Variants in LIN7A observed in about 807,000 individuals in gnomAD.
LIN7A encodes the protein protein lin-7 homolog A.
Under a neutral mutation model 29.8 loss-of-function variants are expected in LIN7A, and 25 were observed. The observed-to-expected ratio is 0.84, with a 90% CI of 0.61 to 1.17. The LOEUF is 1.17. LIN7A is among the 50% of genes most tolerant of loss of function. LIN7A has a pLI of 0.00. For missense variants in LIN7A, 239 were observed against 287.0 expected, an observed-to-expected ratio of 0.83 and a Z score of 1.21; for synonymous variants, 118 against 107.5, an observed-to-expected ratio of 1.10 and a Z score of -0.60.
At chr12:80,934,402 A>C (rs1878092305) in intron 1 of LIN7A, among the ~76,000 whole-genome samples, 1 of 152,200 alleles carries the variant, frequency 6.6e-6, no homozygotes, top group African/African-American at 2.4e-5. Flanking sequence ...TGGCAGATCA[A>C]AAAGAGTTTT....
chr12:80,918,818 T>C (rs1365412296), intron 1 of LIN7A, among the ~76,000 whole-genome samples: 1 of 151,306 alleles, frequency 6.6e-6, no homozygotes, highest in Admixed American at 6.6e-5. Flanking sequence ...AATACAGTCA[T>C]GGACTACATA....
intron 5 of LIN7A, among the ~76,000 whole-genome samples, chr12:80,810,316 A>T (rs910893404): frequency 2.6e-5 from 4 of 151,798 alleles, no homozygotes; most frequent in Non-Finnish European, 4.4e-5. Flanking sequence ...ACTTAGCATG[A>T]TGTTCTCTAG....
chr12:80,932,479 G>A (rs1007387541), intron 1 of LIN7A, among the ~76,000 whole-genome samples: 5 of 152,146 alleles, frequency 3.3e-5, no homozygotes, highest in Non-Finnish European at 7.4e-5. Context: ...TTAACTCACG[G>A]AAAAGTTAGA....
At chr12:80,818,220 C>T (rs1055120591) in intron 4 of LIN7A, among the ~76,000 whole-genome samples, 1 of 151,890 alleles carries the variant, frequency 6.6e-6, no homozygotes, top group African/African-American at 2.4e-5. Context: ...GTGCAGTGGC[C>T]GGATCTTGGC....
At chr12:80,868,698 A>C (rs991181290) in intron 2 of LIN7A, among the ~76,000 whole-genome samples, 6 of 152,228 alleles carry the variant, frequency 3.9e-5, no homozygotes, top group African/African-American at 1.4e-4. Flanking sequence ...GTTTTCAGGA[A>C]GTAATTAATT....
intron 2 of LIN7A, among the ~76,000 whole-genome samples, chr12:80,868,145 C>A (rs1371330312): frequency 5.9e-5 from 9 of 152,188 alleles, no homozygotes; most frequent in Non-Finnish European, 1.2e-4. Context: ...TAAGTTGCCT[C>A]CCGCAAGAGT....
intron 1 of LIN7A, among the ~76,000 whole-genome samples, chr12:80,897,844 C>T (rs1200855317): frequency 1.3e-5 from 2 of 152,036 alleles, no homozygotes; most frequent in African/African-American, 4.8e-5. Flanking sequence ...TAATTGATTG[C>T]ATTAAGTCAA....
intron 1 of LIN7A, among the ~76,000 whole-genome samples, chr12:80,927,155 CTTTTTTT>C (rs929026269): frequency 2.5e-4 from 19 of 75,540 alleles, no homozygotes; most frequent in East Asian, 4.7e-4. Context: ...TTTTCTTTTT[CTTTTTTT>C]TTTTTTTTTT....
chr12:80,859,390 T>C (rs1257393731), intron 2 of LIN7A, among the ~76,000 whole-genome samples: 1 of 152,184 alleles, frequency 6.6e-6, no homozygotes, highest in Non-Finnish European at 1.5e-5. Context: ...TTGTGATCTC[T>C]AGGAGGAGAT....
rs369120651 is a variant in LIN7A at position 80,845,745 on chromosome 12, T to G, written c.468A>C (p.Leu156=). 1.9e-6 allele frequency: 3 copies of G among 1,613,330 alleles called. No homozygotes were observed. In the African/African-American group the frequency reaches 4.0e-5, roughly 22 times the overall value. The change falls in exon 4 of 6, where the codon CTA becomes CTC. Residue 156 remains leucine, a synonymous_variant. Transcript: ENST00000552864. ...HGGLKRGDQL[L]SVNGVSVEGE... ...ATAAACATACCACTCCGTTCACTGA[T>G]AGCAGCTGGTCTCCTCTTTTGAGGC...
chr12:80,820,813 C>T (rs1381038479), intron 4 of LIN7A, among the ~76,000 whole-genome samples: 1 of 152,212 alleles, frequency 6.6e-6, no homozygotes, highest in Non-Finnish European at 1.5e-5. Context: ...AGAACACTTA[C>T]CAACTGTGAT....
intron 2 of LIN7A, among the ~76,000 whole-genome samples, chr12:80,862,604 A>G (rs1663627389): frequency 6.6e-6 from 1 of 152,188 alleles, no homozygotes; most frequent in Admixed American, 6.5e-5. Context: ...AGCTTATCTA[A>G]CACGTATTTT....
chr12:80,930,872 C>T (rs1207167247), intron 1 of LIN7A, among the ~76,000 whole-genome samples: 2 of 152,198 alleles, frequency 1.3e-5, no homozygotes, highest in African/African-American at 4.8e-5. Flanking sequence ...ACAGCTAAGT[C>T]TTGCTAAGCC....
intron 1 of LIN7A, chr12:80,937,043 C>A (rs1464691763): frequency 1.3e-5 from 2 of 152,286 alleles, no homozygotes; most frequent in African/African-American, 4.8e-5. Context: ...CGCGCTCTGC[C>A]TTGCCCTTTC....
At position 80,811,470 on chromosome 12, in the gene LIN7A, A is replaced by T. The variant is rs973308532; in HGVS notation, c.697T>A (p.Ser233Thr). 1.6e-6 allele frequency: 2 copies of T among 1,284,216 alleles called. No homozygotes were observed. The highest frequency in any genetic ancestry group is 2.0e-5 in the Admixed American group (1 of 49,490). 79.6% of individuals were successfully genotyped at this position (1,284,216 alleles called of 1,614,324 possible). A position where few individuals can be genotyped will look rare whatever the true frequency, so the allele number is the denominator to read the frequency against. ...QQQQTQQNHM[S>T] ...TAGAATAAGTCACTTCTCACCTATGACATGTGGTTTTGTTGTGTTTGTTGC... is the reference window on the plus strand; with the variant it reads ...TAGAATAAGTCACTTCTCACCTATGTCATGTGGTTTTGTTGTGTTTGTTGC... The change falls in exon 5 of 6, where the codon TCA becomes ACA. Residue 233 changes from serine to threonine, a missense_variant. Physicochemically the swap from Ser to Thr is moderately conservative, Grantham distance 58. Coordinates refer to ENST00000552864, the MANE Select transcript of LIN7A (RefSeq NM_004664.4).
intron 4 of LIN7A, among the ~76,000 whole-genome samples, chr12:80,824,141 G>C (rs1871945181): frequency 6.6e-6 from 1 of 152,080 alleles, no homozygotes; most frequent in African/African-American, 2.4e-5. Flanking sequence ...ACCAAAAAGA[G>C]AGAAAATCCA....
chr12:80,935,411 A>T (rs1303060229), intron 1 of LIN7A, among the ~76,000 whole-genome samples: 1 of 152,204 alleles, frequency 6.6e-6, no homozygotes. Flanking sequence ...AAAGCTGCAC[A>T]GTGTTAGAAT....
At chr12:80,918,172 C>T (rs1158742936) in intron 1 of LIN7A, among the ~76,000 whole-genome samples, 1 of 152,028 alleles carries the variant, frequency 6.6e-6, no homozygotes, top group Non-Finnish European at 1.5e-5. Context: ...CTCAGCCTCC[C>T]TAGTAGCTGG....
chr12:80,924,284 A>G (rs1877463368), intron 1 of LIN7A, among the ~76,000 whole-genome samples: 1 of 152,148 alleles, frequency 6.6e-6, no homozygotes, highest in African/African-American at 2.4e-5. Flanking sequence ...GAGGGTAGCA[A>G]TATTCAAAGC....
Sources: allele counts gnomAD v4.1 joint callset (sites outside exome capture counted in the v4.1 genomes callset), GRCh38; gene constraint gnomAD v4.1.1; transcripts MANE v1.5; gene names NCBI Gene and HGNC (gene_info 2026-07-23, HGNC 2026-07-21).